ADAMTSL1: variants seen among roughly 807,000 people sequenced by gnomAD.
ADAMTSL1 encodes ADAMTS like 1, also known as ADAMTS-like protein 1.
ADAMTSL1 carries 126 observed loss-of-function variants against 201.8 expected under a neutral mutation model. That is an observed-to-expected ratio of 0.62 (90% confidence interval 0.54 to 0.72). The LOEUF (loss-of-function observed/expected upper bound fraction) is 0.72, where lower values mean the gene tolerates loss of function less well. ADAMTSL1 is among the 30% of genes least tolerant of loss of function. The pLI, the probability that ADAMTSL1 is intolerant of heterozygous loss-of-function variation, is 0.00. For synonymous variants in ADAMTSL1, 1,121 were observed against 903.4 expected (o/e 1.24, Z -4.32); for missense variants, 2,679 against 2,277.8 (o/e 1.18, Z -3.59).
intron 20 of ADAMTSL1, among the ~76,000 whole-genome samples, chr9:18,814,966 T>A (rs573966805): frequency 1.5e-3 from 234 of 152,238 alleles, no homozygotes; most frequent in African/African-American, 5.4e-3. Context: ...ATGCTCAACA[T>A]CACTAATCTT....
At chr9:18,657,820 A>T (rs1402526629) in intron 8 of ADAMTSL1, 70 bp downstream of exon 8, 2 of 1,297,314 alleles carry the variant, frequency 1.5e-6, no homozygotes, top group Non-Finnish European at 1.1e-6. Flanking sequence ...ATAAGAGTAG[A>T]GTTACTTCAG....
chr9:18,681,534 A>C (rs1830468667), intron 11 of ADAMTSL1: 1 of 206,484 alleles, frequency 4.8e-6, no homozygotes, highest in Non-Finnish European at 9.7e-6. Flanking sequence ...GCTTGGTTTG[A>C]GACTTTGCAC....
At chr9:17,984,436 T>C (rs1818841460) in intron 1 of ADAMTSL1, among the ~76,000 whole-genome samples, 1 of 152,162 alleles carries the variant, frequency 6.6e-6, no homozygotes, top group Non-Finnish European at 1.5e-5. Flanking sequence ...TTTACTAGTT[T>C]CTTTTGGGCA....
chr9:18,287,599 A>ATGTATGTGTG (rs2132660558), intron 2 of ADAMTSL1, among the ~76,000 whole-genome samples: 1 of 133,106 alleles, frequency 7.5e-6, no homozygotes, highest in South Asian at 2.4e-4. Context: ...ATATACACAC[A>ATGTATGTGTG]TATATGCATA....
chr9:17,958,893 T>G (rs113969380), intron 1 of ADAMTSL1, among the ~76,000 whole-genome samples: 1 of 152,150 alleles, frequency 6.6e-6, no homozygotes, highest in African/African-American at 2.4e-5. Flanking sequence ...AAAATCCATG[T>G]CATTTGGGTA....
chr9:18,278,583 C>G (rs1249523787), intron 2 of ADAMTSL1, among the ~76,000 whole-genome samples: 1 of 152,120 alleles, frequency 6.6e-6, no homozygotes, highest in Non-Finnish European at 1.5e-5. Context: ...TTTCCAAATT[C>G]TCTCGTTGTC....
intron 26 of ADAMTSL1, 34 bp from the exon 27 acceptor site, chr9:18,905,748 A>G (rs1490328801): frequency 6.4e-7 from 1 of 1,566,860 alleles, no homozygotes; most frequent in Non-Finnish European, 8.7e-7. Context: ...TGACTTGGCT[A>G]ATGTGCGGTA....
intron 3 of ADAMTSL1, among the ~76,000 whole-genome samples, chr9:18,541,661 C>G (rs879041722): frequency 6.6e-6 from 1 of 152,304 alleles, no homozygotes; most frequent in Non-Finnish European, 1.5e-5. Flanking sequence ...CCTGAGCTGC[C>G]ACTTACCAGT....
chr9:18,262,020 T>C (rs1278355014), intron 2 of ADAMTSL1, among the ~76,000 whole-genome samples: 47 of 152,200 alleles, frequency 3.1e-4, no homozygotes, highest in Admixed American at 3.1e-3. Context: ...ACAATATGTA[T>C]GGTAACTAGA....
intron 2 of ADAMTSL1, among the ~76,000 whole-genome samples, chr9:18,332,815 GA>G: frequency 6.6e-6 from 1 of 152,256 alleles, no homozygotes; most frequent in Admixed American, 6.5e-5. Flanking sequence ...GAGTGTGTCA[GA>G]AGGCTGCTGG....
intron 21 of ADAMTSL1, 123 bp from the exon 22 acceptor site, chr9:18,826,161 A>G (rs1186266660): frequency 2.6e-6 from 3 of 1,152,630 alleles, no homozygotes; most frequent in East Asian, 2.6e-5. Context: ...AAAGCCTGGT[A>G]GAAGATGTCC....
chr9:18,180,340 C>T (rs13295940), intron 2 of ADAMTSL1, among the ~76,000 whole-genome samples: 22,143 of 151,582 alleles, frequency 0.15, 1,802 homozygotes, highest in East Asian at 0.24. Flanking sequence ...GAGACCATCC[C>T]GGCTAAAACG....
At chr9:18,124,714 A>G (rs547963432) in intron 1 of ADAMTSL1, among the ~76,000 whole-genome samples, 40 of 152,292 alleles carry the variant, frequency 2.6e-4, no homozygotes, top group African/African-American at 8.4e-4. Context: ...AGATGATTTC[A>G]TTGAGAGAAA....
At chr9:17,918,053 C>T (rs1023806535) in intron 1 of ADAMTSL1, among the ~76,000 whole-genome samples, 2 of 151,522 alleles carry the variant, frequency 1.3e-5, no homozygotes, top group Non-Finnish European at 3.0e-5. Flanking sequence ...TTTCTTTTTC[C>T]CTGATCAATC....
intron 1 of ADAMTSL1, among the ~76,000 whole-genome samples, chr9:18,038,877 A>C (rs1163732443): frequency 6.6e-6 from 1 of 152,210 alleles, no homozygotes; most frequent in African/African-American, 2.4e-5. Context: ...ATAACTTCCC[A>C]CATAGCTGAA....
chr9:18,378,082 C>A (rs960587867), intron 2 of ADAMTSL1, among the ~76,000 whole-genome samples: 2 of 152,140 alleles, frequency 1.3e-5, no homozygotes, highest in African/African-American at 4.8e-5. Flanking sequence ...CTTCTTTCTT[C>A]CCTTTCTTTC....
chr9:18,304,208 G>C (rs1280787341), intron 2 of ADAMTSL1, among the ~76,000 whole-genome samples: 1 of 151,224 alleles, frequency 6.6e-6, no homozygotes, highest in East Asian at 1.9e-4. Context: ...AACCCAATTT[G>C]TTTGGAAAGC....
rs138221152 is a variant in ADAMTSL1 at position 18,165,887 on chromosome 9, G to C, written c.207+1906G>C. Among the ~76,000 whole-genome samples the C allele has an allele frequency of 1.8e-3, 273 of 152,010 alleles. 3 individuals are homozygous for C. Among genetic ancestry groups the C allele is most frequent in the African/African-American group, 6.3e-3 (263 of 41,500 alleles). ...CGCCGTAATCTCCGTTTGTCAAGGG[G>C]AAGAGTTCAAACATGAGTTGCTACT... On this transcript the variant is annotated intron_variant, in intron 2 of 29. Transcript: ENST00000680146.
chr9:18,182,918 A>T (rs969239153), intron 2 of ADAMTSL1, among the ~76,000 whole-genome samples: 2 of 152,164 alleles, frequency 1.3e-5, no homozygotes, highest in Non-Finnish European at 2.9e-5. Flanking sequence ...ATTTACAAGT[A>T]AGGAAACTGA....
Sources: allele counts gnomAD v4.1 joint callset (sites outside exome capture counted in the v4.1 genomes callset), GRCh38; gene constraint gnomAD v4.1.1; transcripts MANE v1.5; gene names NCBI Gene and HGNC (gene_info 2026-07-23, HGNC 2026-07-21).